The following IGF2BP3 variants were observed in gnomAD, a reference collection of about 807,000 sequenced individuals.
IGF2BP3 encodes the protein insulin like growth factor 2 mRNA binding protein 3.
Under a neutral mutation model 73.8 loss-of-function variants are expected in IGF2BP3, and 9 were observed. The ratio of observed to expected loss-of-function variants is 0.12; its 90% CI spans 0.07 to 0.21. The LOEUF is 0.21. IGF2BP3 is among the 10% of genes least tolerant of loss of function. The pLI is 1.00. For missense variants in IGF2BP3, 542 were observed against 714.0 expected, an observed-to-expected ratio of 0.76 and a Z score of 2.75; for synonymous variants, 258 against 256.7, an observed-to-expected ratio of 1.01 and a Z score of -0.05.
At chr7:23,337,015 C>T (rs923379974) in intron 10 of IGF2BP3, among the ~76,000 whole-genome samples, 10 of 151,800 alleles carry the variant, frequency 6.6e-5, no homozygotes, top group African/African-American at 2.4e-4. Context: ...AATTTACTGC[C>T]TTTAAAAACA....
At chr7:23,351,197 G>C in intron 6 of IGF2BP3, 108 bp downstream of exon 6, 1 of 1,182,606 alleles carries the variant, frequency 8.5e-7, no homozygotes. Context: ...TGTACAAGGA[G>C]TCCTCATGGC....
At chr7:23,381,275 A>G (rs772783493) in intron 3 of IGF2BP3, among the ~76,000 whole-genome samples, 6 of 152,220 alleles carry the variant, frequency 3.9e-5, no homozygotes, top group Non-Finnish European at 7.3e-5. Flanking sequence ...GCAAAAATTG[A>G]GTTTCAAAGA....
chr7:23,373,511 A>G (rs181793746), intron 3 of IGF2BP3, among the ~76,000 whole-genome samples: 1 of 152,314 alleles, frequency 6.6e-6, no homozygotes, highest in Admixed American at 6.5e-5. Context: ...GAAGGAAAAT[A>G]TGATTCAAGG....
intron 12 of IGF2BP3, among the ~76,000 whole-genome samples, chr7:23,314,684 A>G (rs1043955924): frequency 3.3e-5 from 5 of 152,160 alleles, no homozygotes; most frequent in Non-Finnish European, 5.9e-5. Flanking sequence ...TCACATCTAC[A>G]TGGGCCAGTT....
rs1013269662 is a variant in IGF2BP3, at chr7:23,469,689, C to T, written c.175+247G>A. On this transcript the variant is annotated intron_variant, in intron 1 of 14. Coordinates refer to ENST00000258729, the MANE Select transcript of IGF2BP3 (RefSeq NM_006547.3). This position sits in a 1 kb window ranked among gnomAD's most constrained non-coding sequence, Gnocchi z 6.1. Reference sequence around the variant, plus strand: ...GCCCCGCGCCCCCCTTAGCCAGCGCCGGGGCTTTCTTGACAGCGCGTTCGC... The same window carrying T: ...GCCCCGCGCCCCCCTTAGCCAGCGCTGGGGCTTTCTTGACAGCGCGTTCGC... 2.0e-5 allele frequency among the ~76,000 whole-genome samples: 3 copies of T among 151,620 alleles called. No individual in the cohort carries two copies. The highest frequency in any genetic ancestry group is 4.8e-5 in the African/African-American group (2 of 41,344).
In IGF2BP3 at chr7:23,443,418, A is replaced by G. The variant is rs566357491; in HGVS notation, c.237-24594T>C. 5.3e-5 allele frequency among the ~76,000 whole-genome samples: 8 copies of G among 152,070 alleles called. No individual in the cohort carries two copies. The South Asian group carries it at 6.2e-4, about 12-fold the overall frequency. ...GGGATTACAGGCATGAGCCACCGCG[A>G]CTGGCCTATTTTTGTATATTTTAGT... On this transcript the variant is annotated intron_variant, in intron 2 of 14. Coordinates refer to ENST00000258729, the MANE Select transcript of IGF2BP3 (RefSeq NM_006547.3).
intron 2 of IGF2BP3, among the ~76,000 whole-genome samples, chr7:23,440,039 A>G (rs1341325400): frequency 6.6e-6 from 1 of 152,166 alleles, no homozygotes; most frequent in Non-Finnish European, 1.5e-5. Context: ...CGAGGTGGGC[A>G]GATCACGAGG....
At chr7:23,444,223 G>A (rs1584051330) in intron 2 of IGF2BP3, among the ~76,000 whole-genome samples, 1 of 152,020 alleles carries the variant, frequency 6.6e-6, no homozygotes, top group African/African-American at 2.4e-5. Flanking sequence ...CCACATGCTG[G>A]AGTTTCCTGA....
chr7:23,406,465 T>C (rs1786834614), intron 3 of IGF2BP3, among the ~76,000 whole-genome samples: 2 of 152,138 alleles, frequency 1.3e-5, no homozygotes, highest in African/African-American at 2.4e-5. Context: ...GTCTGGAGTT[T>C]GTTCCTTCAG....
At chr7:23,330,021 C>G (rs1373197383) in intron 10 of IGF2BP3, among the ~76,000 whole-genome samples, 1 of 152,106 alleles carries the variant, frequency 6.6e-6, no homozygotes, top group Non-Finnish European at 1.5e-5. Flanking sequence ...CACGGTGGCT[C>G]ACGCCTGTAA....
chr7:23,439,022 C>A (rs2128544385), intron 2 of IGF2BP3, among the ~76,000 whole-genome samples: 1 of 151,538 alleles, frequency 6.6e-6, no homozygotes, highest in South Asian at 2.1e-4. Context: ...GAAGTAGAAT[C>A]ACTTCAGTCC....
intron 3 of IGF2BP3, among the ~76,000 whole-genome samples, chr7:23,407,691 A>C (rs1786880413): frequency 6.6e-6 from 1 of 151,998 alleles, no homozygotes; most frequent in Non-Finnish European, 1.5e-5. Flanking sequence ...TAAAGAAATA[A>C]CACCAATTCA....
intron 12 of IGF2BP3, among the ~76,000 whole-genome samples, chr7:23,314,275 C>T (rs979907905): frequency 2.0e-5 from 3 of 151,844 alleles, no homozygotes; most frequent in Admixed American, 2.0e-4. Flanking sequence ...CCCCGCCTCC[C>T]AGGTTCAAGT....
intron 3 of IGF2BP3, among the ~76,000 whole-genome samples, chr7:23,407,174 T>C (rs1198742272): frequency 1.4e-5 from 2 of 147,828 alleles, no homozygotes; most frequent in Admixed American, 6.7e-5. Context: ...CATGATGATG[T>C]AGTTATTAAA....
At chr7:23,332,339 G>C (rs1562678399) in intron 10 of IGF2BP3, among the ~76,000 whole-genome samples, 1 of 152,106 alleles carries the variant, frequency 6.6e-6, no homozygotes, top group Non-Finnish European at 1.5e-5. Context: ...TGTATAAACA[G>C]ATGTACTAAA....
At chr7:23,370,122 A>T (rs1354216547) in intron 3 of IGF2BP3, among the ~76,000 whole-genome samples, 1 of 152,044 alleles carries the variant, frequency 6.6e-6, no homozygotes, top group Non-Finnish European at 1.5e-5. Context: ...CATACTTCCC[A>T]CACCTATGCT....
intron 3 of IGF2BP3, among the ~76,000 whole-genome samples, chr7:23,392,831 A>G (rs1324359258): frequency 2.0e-5 from 3 of 152,116 alleles, no homozygotes; most frequent in East Asian, 3.9e-4. Context: ...GGGTTTTATC[A>G]TGTTGCCCAG....
intron 3 of IGF2BP3, among the ~76,000 whole-genome samples, chr7:23,389,530 T>G (rs1786201987): frequency 6.7e-6 from 1 of 150,290 alleles, no homozygotes; most frequent in Non-Finnish European, 1.5e-5. Context: ...TTACATGCAA[T>G]ATATTCAGTA....
chr7:23,435,752 G>C (rs1411161919), intron 2 of IGF2BP3, among the ~76,000 whole-genome samples: 1 of 151,546 alleles, frequency 6.6e-6, no homozygotes, highest in African/African-American at 2.4e-5. Flanking sequence ...CACTGTGCCT[G>C]GCCTTTTTGT....
Sources: gnomAD v4.1 joint callset for allele counts (sites outside exome capture counted in the v4.1 genomes callset) on GRCh38, gnomAD v4.1.1 for gene constraint, Gnocchi (gnomAD v3.1) non-coding constraint, MANE v1.5 for transcripts, NCBI Gene and HGNC (gene_info 2026-07-23, HGNC 2026-07-21) for gene names.